ANTXR2: variants seen among roughly 807,000 people sequenced by gnomAD.
The protein encoded by ANTXR2 is anthrax toxin receptor 2.
A neutral mutation model predicts 73.7 loss-of-function variants in ANTXR2; 44 were observed. The ratio of observed to expected loss-of-function variants is 0.60; its 90% CI spans 0.47 to 0.77. The LOEUF (loss-of-function observed/expected upper bound fraction) is 0.77. Ranked by LOEUF, ANTXR2 falls within the 30% of genes least tolerant of loss-of-function variation. The probability of loss-of-function intolerance (pLI) is 0.00; values close to 1 mark genes in which losing one functional copy is unlikely to be tolerated. For missense variants in ANTXR2, 604 were observed against 592.5 expected, an observed-to-expected ratio of 1.02 and a Z score of -0.20; for synonymous variants, 217 against 205.9, an observed-to-expected ratio of 1.05 and a Z score of -0.46.
chr4:80,027,578 A>T (rs1406785095), intron 10 of ANTXR2, among the ~76,000 whole-genome samples: 2 of 152,136 alleles, frequency 1.3e-5, no homozygotes, highest in African/African-American at 4.8e-5. Flanking sequence ...TTAGATATTT[A>T]TTTCATATTT....
At chr4:79,992,515 T>C (rs536689910) in intron 12 of ANTXR2, among the ~76,000 whole-genome samples, 311 of 152,024 alleles carry the variant, frequency 2.0e-3, no homozygotes, top group Admixed American at 4.3e-3. Context: ...TTAATAATCA[T>C]AAAATTCCAG....
At chr4:80,062,670 TAAG>T (rs1270861488) in intron 3 of ANTXR2, among the ~76,000 whole-genome samples, 3 of 152,196 alleles carry the variant, frequency 2.0e-5, no homozygotes, top group Non-Finnish European at 4.4e-5. Flanking sequence ...CACTGGTTTT[TAAG>T]AATAGAATAA....
chr4:79,962,998 C>T (rs971746156), intron 16 of ANTXR2, among the ~76,000 whole-genome samples: 3 of 152,072 alleles, frequency 2.0e-5, no homozygotes, highest in African/African-American at 4.8e-5. Flanking sequence ...GAAAGACCCA[C>T]TAGTGGTTAC....
intron 16 of ANTXR2, among the ~76,000 whole-genome samples, chr4:79,933,731 G>GTT (rs201263531): frequency 0.11 from 4,797 of 41,758 alleles, 187 homozygotes; most frequent in Non-Finnish European, 0.15. Context: ...GCCCTGGTGT[G>GTT]TTTGTTTTTT....
chr4:79,978,181 A>T lies in ANTXR2; in HGVS notation c.1180-7T>A, dbSNP rs750209296. On this transcript the variant is annotated splice_polypyrimidine_tract_variant and splice_region_variant and intron_variant, in intron 14 of 16. Coordinates refer to ENST00000403729, the MANE Select transcript of ANTXR2 (RefSeq NM_058172.6). ...CTTTATCACCCCAACGAACCTGTAA[A>T]ACAAAGGGAGAGTACTGTTATCAGA... is the stretch of plus-strand genomic sequence containing the variant. 23 of 1,613,312 alleles carry T rather than the reference A, an allele frequency of 1.4e-5. No homozygotes were observed. The highest frequency in any genetic ancestry group is 1.7e-5 in the Non-Finnish European group (20 of 1,179,622).
intron 14 of ANTXR2, among the ~76,000 whole-genome samples, chr4:79,982,793 C>T (rs1729945623): frequency 6.6e-6 from 1 of 152,106 alleles, no homozygotes; most frequent in Non-Finnish European, 1.5e-5. Context: ...GGGAAAATGT[C>T]CATTGCTTCA....
intron 10 of ANTXR2, among the ~76,000 whole-genome samples, chr4:80,030,640 A>T (rs1322233189): frequency 1.3e-5 from 2 of 152,116 alleles, no homozygotes; most frequent in African/African-American, 4.8e-5. Context: ...TACTTGCATG[A>T]CCAAAAGTGA....
At chr4:79,984,687 G>T in intron 13 of ANTXR2, 132 bp downstream of exon 13, 1 of 806,734 alleles carries the variant, frequency 1.2e-6, no homozygotes, top group Non-Finnish European at 2.1e-6. Flanking sequence ...AATAACCACT[G>T]ATTTGTATAA....
intron 12 of ANTXR2, among the ~76,000 whole-genome samples, chr4:80,006,262 A>G (rs1329896293): frequency 1.3e-5 from 2 of 151,910 alleles, no homozygotes; most frequent in African/African-American, 4.8e-5. Flanking sequence ...GAATTTCCAT[A>G]TCATATTATA....
chr4:79,993,159 G>C (rs1730553464), intron 12 of ANTXR2, among the ~76,000 whole-genome samples: 1 of 151,906 alleles, frequency 6.6e-6, no homozygotes, highest in Non-Finnish European at 1.5e-5. Flanking sequence ...GTATTTAATA[G>C]AATGTCTAGC....
At chr4:79,983,995 G>GT in intron 13 of ANTXR2, 25 bp from the exon 14 acceptor site, 1 of 1,464,248 alleles carries the variant, frequency 6.8e-7, no homozygotes. Flanking sequence ...TTTATAAATA[G>GT]TTTTTAATTA....
At chr4:80,034,069 A>G (rs1732840226) in intron 8 of ANTXR2, among the ~76,000 whole-genome samples, 1 of 152,092 alleles carries the variant, frequency 6.6e-6, no homozygotes. Context: ...TTCTTTAACC[A>G]CTTCTTCACC....
At chr4:79,993,474 T>C (rs1730569411) in intron 12 of ANTXR2, among the ~76,000 whole-genome samples, 1 of 151,908 alleles carries the variant, frequency 6.6e-6, no homozygotes, top group African/African-American at 2.4e-5. Context: ...CAAGATTCTT[T>C]GGGCCTTAAA....
intron 11 of ANTXR2, among the ~76,000 whole-genome samples, chr4:80,016,074 C>A (rs1041684555): frequency 6.6e-6 from 1 of 151,660 alleles, no homozygotes. Context: ...TAAAATAGGA[C>A]AAAGAACAAT....
chr4:80,069,554 A>G, intron 2 of ANTXR2, 47 bp from the exon 3 acceptor site: 1 of 1,393,216 alleles, frequency 7.2e-7, no homozygotes. Context: ...AAAAAGAAAT[A>G]TTGATACGAT....
intron 16 of ANTXR2, among the ~76,000 whole-genome samples, chr4:79,910,532 G>GAAAAAAAAAAAAAAAAAAAAAAACA (rs10718867): frequency 7.3e-6 from 1 of 137,580 alleles, no homozygotes; most frequent in Non-Finnish European, 1.6e-5. Flanking sequence ...AGAAAAAAAA[G>GAAAAAAAAAAAAAAAAAAAAAAACA]AAAAAAAAAA....
At chr4:80,003,708 G>A (rs999811642) in intron 12 of ANTXR2, among the ~76,000 whole-genome samples, 3 of 151,960 alleles carry the variant, frequency 2.0e-5, no homozygotes, top group African/African-American at 7.2e-5. Flanking sequence ...AAACCACGAT[G>A]AGATATCATT....
At chr4:80,023,942 T>C (rs1302705975) in intron 10 of ANTXR2, among the ~76,000 whole-genome samples, 1 of 152,184 alleles carries the variant, frequency 6.6e-6, no homozygotes, top group Non-Finnish European at 1.5e-5. Flanking sequence ...TAGTTAGAAA[T>C]GTGTTTTACA....
chr4:80,055,488 T>C lies in ANTXR2; in HGVS notation c.379-21A>G, dbSNP rs767113920. On this transcript the variant is annotated intron_variant, in intron 4 of 16. Coordinates refer to ENST00000403729, the MANE Select transcript of ANTXR2 (RefSeq NM_058172.6). ...TTCGCCTGAAAATGAAGAATAATTA[T>C]CCAACTCACAATTTAATTTTAACTT... The C allele has an allele frequency of 5.7e-6, 9 of 1,570,994 alleles. No individual in the cohort carries two copies. The East Asian group carries it at 2.0e-4, about 35-fold the overall frequency.
Sources: allele counts gnomAD v4.1 joint callset (sites outside exome capture counted in the v4.1 genomes callset), GRCh38; gene constraint gnomAD v4.1.1; transcripts MANE v1.5; gene names NCBI Gene and HGNC (gene_info 2026-07-23, HGNC 2026-07-21).